Variants in NPAS3 observed in about 807,000 individuals in gnomAD.
NPAS3 encodes the protein neuronal PAS domain-containing protein 3.
NPAS3 carries 14 observed loss-of-function variants against 73.1 expected under a neutral mutation model. The ratio of observed to expected loss-of-function variants is 0.19; its 90% CI spans 0.13 to 0.30. The LOEUF is 0.30. Ranked by LOEUF, NPAS3 falls within the 10% of genes least tolerant of loss-of-function variation. The pLI is 1.00. For missense variants in NPAS3, 1,096 were observed against 1,250.0 expected, an observed-to-expected ratio of 0.88 and a Z score of 1.86; for synonymous variants, 620 against 541.5, an observed-to-expected ratio of 1.14 and a Z score of -2.01.
chr14:33,696,484 G>C (rs777794828), intron 6 of NPAS3, among the ~76,000 whole-genome samples: 1 of 152,162 alleles, frequency 6.6e-6, no homozygotes, highest in African/African-American at 2.4e-5. Flanking sequence ...CGTTTCATTT[G>C]AAAAGCTCAG....
intron 2 of NPAS3, among the ~76,000 whole-genome samples, chr14:33,177,071 T>TTTTTTATTATTATTATTA (rs1174345534): frequency 7.2e-6 from 1 of 138,336 alleles, no homozygotes; most frequent in African/African-American, 2.7e-5. Context: ...TGTTTATCTT[T>TTTTTTATTATTATTATTA]TTATTATTAT....
intron 1 of NPAS3, among the ~76,000 whole-genome samples, chr14:33,048,566 A>T (rs1044338981): frequency 6.6e-6 from 1 of 152,176 alleles, no homozygotes; most frequent in African/African-American, 2.4e-5. Flanking sequence ...GCTGTTCTCT[A>T]CACACCCTTT....
In NPAS3 at chr14:33,158,700, G is replaced by A. The variant is rs2044737615; in HGVS notation, c.141-56482G>A. Among the ~76,000 whole-genome samples the A allele has an allele frequency of 1.3e-5, 2 of 152,084 alleles. 1 individual carries two copies. The highest frequency in any genetic ancestry group is 4.1e-4 in the South Asian group (2 of 4,836). The stretch of plus-strand genomic sequence containing the variant: ...TCAGTGAAAGAACAGTCCCAGAAGA[G>A]GAAACAGCTAGTGCAAAGGCCACGA... On this transcript the variant is annotated intron_variant, in intron 2 of 11. Coordinates refer to ENST00000356141, the Ensembl canonical transcript of NPAS3.
chr14:33,048,330 T>A (rs1252992009), intron 1 of NPAS3, among the ~76,000 whole-genome samples: 1 of 152,214 alleles, frequency 6.6e-6, no homozygotes, highest in Admixed American at 6.5e-5. Context: ...GAAAATGGCC[T>A]CCTAGAGGAT....
At chr14:33,498,687 TG>T (rs1566952224) in intron 4 of NPAS3, among the ~76,000 whole-genome samples, 1 of 135,356 alleles carries the variant, frequency 7.4e-6, no homozygotes, top group African/African-American at 3.1e-5. Flanking sequence ...TGTGGCCTGT[TG>T]GGGGATGGGG....
intron 2 of NPAS3, among the ~76,000 whole-genome samples, chr14:33,171,631 G>T (rs767048039): frequency 3.4e-4 from 51 of 152,188 alleles, no homozygotes; most frequent in Non-Finnish European, 6.9e-4. Flanking sequence ...GTTGTGGCTG[G>T]TTTCATCTTC....
In NPAS3 at chr14:33,788,754, C is replaced by G. The variant is rs570638761; in HGVS notation, c.1154-5143C>G. ...CCTTTATGTCCTTTCAGTCGTCAGTCTGTGTCTGTGGACAAAGTTTTCCCA... is the reference window on the plus strand; with the variant it reads ...CCTTTATGTCCTTTCAGTCGTCAGTGTGTGTCTGTGGACAAAGTTTTCCCA... On this transcript the variant is annotated intron_variant, in intron 9 of 11. Transcript: ENST00000356141. Among the ~76,000 whole-genome samples, 4 of 152,260 alleles carry G rather than the reference C, an allele frequency of 2.6e-5. No homozygotes were observed. In the South Asian group the frequency reaches 8.3e-4, roughly 32 times the overall value.
intron 3 of NPAS3, among the ~76,000 whole-genome samples, chr14:33,337,853 T>A (rs2044296997): frequency 6.6e-6 from 1 of 152,134 alleles, no homozygotes; most frequent in African/African-American, 2.4e-5. Context: ...TCATTGTGAA[T>A]AGAATTTAAT....
intron 6 of NPAS3, among the ~76,000 whole-genome samples, chr14:33,700,987 G>A (rs1266516998): frequency 6.6e-6 from 1 of 152,224 alleles, no homozygotes; most frequent in African/African-American, 2.4e-5. Flanking sequence ...CCTGACTTTA[G>A]TGGAGCTTAT....
At chr14:33,001,650 A>G (rs1318614885) in intron 1 of NPAS3, among the ~76,000 whole-genome samples, 1 of 152,056 alleles carries the variant, frequency 6.6e-6, no homozygotes, top group Non-Finnish European at 1.5e-5. Flanking sequence ...TTCCTTCAGG[A>G]TGCCTCTTCA....
intron 4 of NPAS3, among the ~76,000 whole-genome samples, chr14:33,533,753 A>T (rs1477243662): frequency 2.0e-5 from 3 of 152,154 alleles, no homozygotes; most frequent in South Asian, 2.1e-4. Flanking sequence ...TCACACCTGT[A>T]TGTGGTGACG....
rs148969223 is a variant in NPAS3 at position 33,795,936 on chromosome 14, C to T, written c.1302-1521C>T. 2.2e-3 allele frequency among the ~76,000 whole-genome samples: 337 copies of T among 152,206 alleles called. 2 individuals carry two copies. The highest frequency in any genetic ancestry group is 7.7e-3 in the African/African-American group (318 of 41,530). On this transcript the variant is annotated intron_variant, in intron 10 of 11. Transcript: ENST00000356141. The stretch of plus-strand genomic sequence containing the variant: ...GGCATAGAAGACCTGTTTTAGCTGA[C>T]CTAAAAACACTCCCTGAAGTCAATG...
intron 4 of NPAS3, among the ~76,000 whole-genome samples, chr14:33,540,636 GA>G (rs2054468288): frequency 6.6e-6 from 1 of 152,042 alleles, no homozygotes; most frequent in South Asian, 2.1e-4. Flanking sequence ...TGGGAATAGG[GA>G]AAAAAAGAAT....
intron 5 of NPAS3, among the ~76,000 whole-genome samples, chr14:33,670,992 C>A (rs75491962): frequency 6.7e-6 from 1 of 150,348 alleles, no homozygotes; most frequent in Non-Finnish European, 1.5e-5. Flanking sequence ...TTAAATGACC[C>A]TTTCTATTGA....
At chr14:33,610,503 T>C (rs1415720277) in intron 5 of NPAS3, among the ~76,000 whole-genome samples, 1 of 152,162 alleles carries the variant, frequency 6.6e-6, no homozygotes, top group African/African-American at 2.4e-5. Context: ...AATGCTCTTG[T>C]ATGACAAAAA....
intron 2 of NPAS3, among the ~76,000 whole-genome samples, chr14:33,077,304 G>A (rs1378994471): frequency 1.3e-5 from 2 of 152,102 alleles, no homozygotes; most frequent in African/African-American, 4.8e-5. Context: ...ATGTGGGAGT[G>A]AGCTATGTGG....
chr14:33,085,257 TTAATA>T (rs1189495947), intron 2 of NPAS3, among the ~76,000 whole-genome samples: 2 of 152,232 alleles, frequency 1.3e-5, no homozygotes, highest in Admixed American at 1.3e-4. Flanking sequence ...CTGTCAGTCA[TTAATA>T]TTATTATCTG....
chr14:33,372,850 A>G (rs899279290), intron 4 of NPAS3, among the ~76,000 whole-genome samples: 10 of 152,174 alleles, frequency 6.6e-5, no homozygotes, highest in Non-Finnish European at 8.8e-5. Flanking sequence ...TAAAAATCCG[A>G]GAACTTGAGG....
rs2054656742 is a variant in NPAS3 at position 33,543,995 on chromosome 14, A to ATATG, written c.469-16123_469-16122insGTAT. Among the ~76,000 whole-genome samples the ATATG allele has an allele frequency of 2.5e-5, 3 of 121,454 alleles. No individual in the cohort carries two copies. In the East Asian group the frequency reaches 7.6e-4, roughly 31 times the overall value. 79.7% of individuals were successfully genotyped at this position (121,454 alleles called of 152,430 possible). On this transcript the variant is annotated intron_variant, in intron 4 of 11. Coordinates refer to ENST00000356141, the Ensembl canonical transcript of NPAS3. ...TATATATATATATATATATATATATATATATATCTATATCAGGAATAGGTG... is the reference window on the plus strand; with the variant it reads ...TATATATATATATATATATATATATATATGTATATATCTATATCAGGAATAGGTG...
Sources: gnomAD v4.1 joint callset for allele counts (sites outside exome capture counted in the v4.1 genomes callset) on GRCh38, gnomAD v4.1.1 for gene constraint, MANE v1.5 for transcripts, NCBI Gene and HGNC (gene_info 2026-07-23, HGNC 2026-07-21) for gene names.